The following MYBPC2 variants were observed in gnomAD, a reference collection of about 807,000 sequenced individuals.
The protein encoded by MYBPC2 is myosin binding protein C2.
A neutral mutation model predicts 137.0 loss-of-function variants in MYBPC2; 122 were observed. That is an observed-to-expected ratio of 0.89 (90% confidence interval 0.77 to 1.03). The LOEUF (loss-of-function observed/expected upper bound fraction) is 1.03. MYBPC2 is among the 50% of genes least tolerant of loss of function. The pLI, the probability that MYBPC2 is intolerant of heterozygous loss-of-function variation, is 0.00. For missense variants in MYBPC2, 1,500 were observed against 1,534.4 expected (o/e 0.98, Z 0.37); for synonymous variants, 626 against 612.3 (o/e 1.02, Z -0.33).
In MYBPC2 at chr19:50,435,930, G is replaced by A; in HGVS notation, c.196+68G>A. ...TGGGTCTGAGGGAGGAGGGGCCAGG[G>A]TCTCGTTCTGTCTCCCTCTGGAGAG... On this transcript the variant is annotated intron_variant, in intron 3 of 27. Transcript: ENST00000357701. The surrounding 1 kb of genome is among the most constrained non-coding windows in gnomAD (Gnocchi z 4.8). The A allele has an allele frequency of 1.3e-6, 2 of 1,548,080 alleles. No homozygotes were observed. Among genetic ancestry groups the A allele is most frequent in the Non-Finnish European group, 1.7e-6 (2 of 1,143,446 alleles).
rs867829505 is a variant in MYBPC2 at position 50,465,341 on chromosome 19, G to A, written c.3415+809G>A. On this transcript the variant is annotated intron_variant, in intron 27 of 27. Coordinates refer to ENST00000357701, the MANE Select transcript of MYBPC2 (RefSeq NM_004533.4). The surrounding 1 kb of genome is among the most constrained non-coding windows in gnomAD (Gnocchi z 4.5). ...CCTCTTCCTGGAACACAATTCCCCCGCTCCTTTACCCTGGGCTCCGGCCCA... is the reference window on the plus strand; with the variant it reads ...CCTCTTCCTGGAACACAATTCCCCCACTCCTTTACCCTGGGCTCCGGCCCA... Among the ~76,000 whole-genome samples the A allele has an allele frequency of 3.0e-4, 46 of 152,232 alleles. No homozygotes were observed. In the Middle Eastern group the frequency reaches 0.01, roughly 34 times the overall value.
chr19:50,457,911 C>A (rs1472576556), intron 20 of MYBPC2, among the ~76,000 whole-genome samples: 2 of 151,208 alleles, frequency 1.3e-5, no homozygotes, highest in African/African-American at 4.9e-5. Flanking sequence ...AACTCCTGGA[C>A]TCAAGTGATC....
In MYBPC2 at chr19:50,436,654, TG is replaced by T; in HGVS notation, c.388del (p.Asp130ThrfsTer36). On this transcript the variant is annotated frameshift_variant, in exon 5 of 28. Transcript: ENST00000357701. LOFTEE classifies it high-confidence loss of function. The part of the protein sequence containing the change: ...TVELHIGKVV[L>X]GDRGYYRLEV... Reference sequence around the variant, plus strand: ...GAGCTGCACATTGGGAAGGTGGTACTGGGGGACCGTGGGTATTACCGCCTCG... The same window carrying T: ...GAGCTGCACATTGGGAAGGTGGTACTGGGGACCGTGGGTATTACCGCCTCG... The T allele has an allele frequency of 4.3e-6, 7 of 1,613,930 alleles. No individual in the cohort carries two copies. In the Middle Eastern group the frequency reaches 8.3e-4, roughly 190 times the overall value.
Position 50,461,571 on chromosome 19 carries a change from G to A in MYBPC2, c.2961G>A (p.Arg987=). 6.2e-7 allele frequency: 1 copy of A among 1,613,648 alleles called. No individual in the cohort carries two copies. The highest frequency in any genetic ancestry group is 8.5e-7 in the Non-Finnish European group (1 of 1,179,838). Residue 987 remains arginine (R), a synonymous_variant, in exon 25 of 28, where the codon AGG becomes AGA. Coordinates refer to ENST00000357701, the MANE Select transcript of MYBPC2 (RefSeq NM_004533.4). Reference sequence around the variant, plus strand: ...GGTTCAACGTCTATGAACGTAACAGGCACACTAGCTGTACTGTGTCCGACC... The same window carrying A: ...GGTTCAACGTCTATGAACGTAACAGACACACTAGCTGTACTGTGTCCGACC... ...MEWFNVYERN[R]HTSCTVSDLI... is the part of the protein sequence containing the mutation.
At chr19:50,455,708 A>G (rs1601294132) in intron 20 of MYBPC2, 64 bp downstream of exon 20, 5 of 1,586,652 alleles carry the variant, frequency 3.2e-6, no homozygotes, top group African/African-American at 1.3e-5. Context: ...CAGTCCAGGG[A>G]GCTGAAAATA....
At chr19:50,450,694 C>T in intron 13 of MYBPC2, 135 bp from the exon 14 acceptor site, 1 of 634,204 alleles carries the variant, frequency 1.6e-6, no homozygotes, top group East Asian at 2.8e-5. Context: ...TGAAAATAGA[C>T]CACAGCGTTC....
intron 14 of MYBPC2, 88 bp downstream of exon 14, chr19:50,451,023 G>C: frequency 7.9e-7 from 1 of 1,258,080 alleles, no homozygotes; most frequent in Admixed American, 2.0e-5. Context: ...CAGGATTAAG[G>C]TTCCCCGAGT....
At chr19:50,440,857 C>A (rs1241423771) in intron 7 of MYBPC2, 23 bp from the exon 8 acceptor site, 13 of 1,602,788 alleles carry the variant, frequency 8.1e-6, no homozygotes, top group Non-Finnish European at 1.1e-5. Flanking sequence ...CTGATGGCCC[C>A]TGTCCGTTCC....
At chr19:50,452,508 G>GTATGTATC (rs1433850781) in intron 16 of MYBPC2, among the ~76,000 whole-genome samples, 151 of 114,742 alleles carry the variant, frequency 1.3e-3, no homozygotes, top group East Asian at 2.3e-3. Flanking sequence ...ATGTATGTAT[G>GTATGTATC]TATCTATCTA....
chr19:50,464,657 G>A (rs1337821842), intron 27 of MYBPC2, 125 bp downstream of exon 27: 13 of 1,141,354 alleles, frequency 1.1e-5, no homozygotes, highest in Non-Finnish European at 1.5e-5. Flanking sequence ...TCTGGGAGGA[G>A]GACTGGGAAG....
Position 50,450,910 on chromosome 19 carries a change from G to T in MYBPC2, c.1554G>T (p.Ser518=). 1.3e-6 allele frequency: 2 copies of T among 1,572,410 alleles called. No individual in the cohort carries two copies. Among genetic ancestry groups the T allele is most frequent in the Non-Finnish European group, 1.7e-6 (2 of 1,159,250 alleles). The change falls in exon 14 of 28, where the codon TCG becomes TCT. Residue 518 remains serine (S), a synonymous_variant. Transcript: ENST00000357701. ...TTGTGCCTGACGGCTACGCCCTGTC[G>T]CTCTCGGCCAAGCTCAACTTCCTGG... ...YTFVPDGYAL[S]LSAKLNFLEI...
intron 12 of MYBPC2, 82 bp from the exon 13 acceptor site, chr19:50,448,143 G>A (rs2039822187): frequency 1.4e-5 from 20 of 1,476,306 alleles, no homozygotes; most frequent in Admixed American, 9.0e-5. Context: ...CTAGACCAGC[G>A]CCTGGCACAC....
At chr19:50,458,220 G>T (rs955845731) in intron 20 of MYBPC2, among the ~76,000 whole-genome samples, 3 of 150,260 alleles carry the variant, frequency 2.0e-5, no homozygotes, top group African/African-American at 7.4e-5. Flanking sequence ...TGAGGCAGGA[G>T]AATTACTTGA....
intron 5 of MYBPC2, 70 bp from the exon 6 acceptor site, chr19:50,437,403 G>T: frequency 6.7e-7 from 1 of 1,497,590 alleles, no homozygotes; most frequent in Non-Finnish European, 9.1e-7. Flanking sequence ...CAGGCCTGGA[G>T]AGGGGCTCTC....
intron 18 of MYBPC2, among the ~76,000 whole-genome samples, chr19:50,454,837 C>T (rs1175632980): frequency 2.6e-5 from 4 of 152,112 alleles, no homozygotes; most frequent in East Asian, 1.9e-4. Flanking sequence ...TTCCTTTACT[C>T]GCTGGTGACC....
At chr19:50,457,227 T>C (rs2122611321) in intron 20 of MYBPC2, among the ~76,000 whole-genome samples, 1 of 152,204 alleles carries the variant, frequency 6.6e-6, no homozygotes, top group East Asian at 1.9e-4. Context: ...CCTCCTCCTC[T>C]CCTCCGTGCT....
At chr19:50,456,496 G>A (rs2039916104) in intron 20 of MYBPC2, among the ~76,000 whole-genome samples, 1 of 146,476 alleles carries the variant, frequency 6.8e-6, no homozygotes, top group Admixed American at 7.0e-5. Flanking sequence ...GCAGTGGCAC[G>A]ATTGGCTCAC....
In MYBPC2 at chr19:50,452,481, T is replaced by C. The variant is rs923647000; in HGVS notation, c.1749+478T>C. Among the ~76,000 whole-genome samples the C allele has an allele frequency of 5.7e-5, 7 of 122,496 alleles. No homozygotes were observed. In the East Asian group the frequency reaches 1.6e-3, roughly 27 times the overall value. The allele number at this position is 122,496 out of a possible 152,430, so 80.4% of individuals were successfully genotyped here. ...CTATGTATCTGTGTATGTATGTATGTATGTATGTATGTATGTATGTATGTA... is the reference window on the plus strand; with the variant it reads ...CTATGTATCTGTGTATGTATGTATGCATGTATGTATGTATGTATGTATGTA... On this transcript the variant is annotated intron_variant, in intron 16 of 27. Coordinates refer to ENST00000357701, the MANE Select transcript of MYBPC2 (RefSeq NM_004533.4).
intron 13 of MYBPC2, among the ~76,000 whole-genome samples, chr19:50,449,645 G>C (rs1373046129): frequency 6.6e-6 from 1 of 152,230 alleles, no homozygotes; most frequent in Non-Finnish European, 1.5e-5. Flanking sequence ...TCAGCTAACA[G>C]TCAACATGGG....
Sources: allele counts gnomAD v4.1 joint callset (sites outside exome capture counted in the v4.1 genomes callset), GRCh38; gene constraint gnomAD v4.1.1; non-coding constraint Gnocchi (gnomAD v3.1); transcripts MANE v1.5; gene names NCBI Gene and HGNC (gene_info 2026-07-23, HGNC 2026-07-21).